Variants in ROBO2 observed in about 807,000 individuals in gnomAD.
ROBO2 encodes the protein roundabout guidance receptor 2.
Under a neutral mutation model 160.8 loss-of-function variants are expected in ROBO2, and 53 were observed. The observed-to-expected ratio is 0.33, with a 90% CI of 0.26 to 0.41. ROBO2 has a LOEUF of 0.41. Ranked by LOEUF, ROBO2 falls within the 10% of genes least tolerant of loss-of-function variation. The pLI is 1.00. For synonymous variants in ROBO2, 664 were observed against 611.7 expected (o/e 1.09, Z -1.26); for missense variants, 1,577 against 1,722.4 (o/e 0.92, Z 1.49).
At chr3:76,513,070 AG>A (rs2081181388) in intron 2 of ROBO2, among the ~76,000 whole-genome samples, 1 of 152,222 alleles carries the variant, frequency 6.6e-6, no homozygotes, top group Non-Finnish European at 1.5e-5. Flanking sequence ...AGGAATGGAG[AG>A]TCATGGTACT....
intron 1 of ROBO2, among the ~76,000 whole-genome samples, chr3:77,076,355 T>C (rs1026372159): frequency 2.0e-5 from 3 of 152,174 alleles, no homozygotes; most frequent in Non-Finnish European, 4.4e-5. Context: ...CTAATTCAAA[T>C]ATTTAAAACT....
chr3:76,350,275 TG>T (rs1169016551), intron 2 of ROBO2, among the ~76,000 whole-genome samples: 1 of 152,130 alleles, frequency 6.6e-6, no homozygotes, highest in Non-Finnish European at 1.5e-5. Context: ...TGCTTTGCTT[TG>T]TGTCATAAAC....
At chr3:77,261,412 C>A (rs1447174960) in intron 2 of ROBO2, among the ~76,000 whole-genome samples, 1 of 152,008 alleles carries the variant, frequency 6.6e-6, no homozygotes. Context: ...GAGGATAGAC[C>A]TTTTAAAATG....
At chr3:76,822,183 AAAT>A (rs1182085759) in intron 2 of ROBO2, among the ~76,000 whole-genome samples, 1 of 151,984 alleles carries the variant, frequency 6.6e-6, no homozygotes, top group African/African-American at 2.4e-5. Context: ...TTCTTTTGTA[AAAT>A]AATATTTGTT....
intron 2 of ROBO2, among the ~76,000 whole-genome samples, chr3:76,511,755 T>G (rs1249105804): frequency 6.6e-6 from 1 of 152,190 alleles, no homozygotes; most frequent in Non-Finnish European, 1.5e-5. Context: ...AGTATAACTT[T>G]AAAGGAGTTT....
intron 20 of ROBO2, among the ~76,000 whole-genome samples, chr3:77,605,610 T>C (rs1339854201): frequency 6.6e-6 from 1 of 152,178 alleles, no homozygotes; most frequent in Non-Finnish European, 1.5e-5. Context: ...GAAGAGTAGG[T>C]AATGAATGGC....
At chr3:75,919,606 G>T (rs1946946718) in intron 1 of ROBO2, among the ~76,000 whole-genome samples, 1 of 152,146 alleles carries the variant, frequency 6.6e-6, no homozygotes, top group Non-Finnish European at 1.5e-5. Flanking sequence ...GTTTCAGAAG[G>T]AATGGTACCA....
In ROBO2 at chr3:76,539,360, AT is replaced by A. The variant is rs1416762933; in HGVS notation, c.110-558652del. Among the ~76,000 whole-genome samples the A allele has an allele frequency of 5.3e-3, 782 of 148,738 alleles. 9 individuals carry two copies. The highest frequency in any genetic ancestry group is 0.02 in the African/African-American group (760 of 38,702). On this transcript the variant is annotated intron_variant, in intron 2 of 26. Transcript: ENST00000487694. ...CATGTATCCCAAAACTTTAAGTAAA[AT>A]TAAAAAAAAAAAAAAGAATGCTAGC...
intron 2 of ROBO2, among the ~76,000 whole-genome samples, chr3:76,231,467 A>C (rs1207347923): frequency 6.6e-6 from 1 of 152,144 alleles, no homozygotes; most frequent in Admixed American, 6.6e-5. Flanking sequence ...GTTCTACAAA[A>C]GCCAGTTTCA....
At chr3:76,706,896 C>G (rs994275966) in intron 2 of ROBO2, among the ~76,000 whole-genome samples, 2 of 151,758 alleles carry the variant, frequency 1.3e-5, no homozygotes, top group African/African-American at 4.8e-5. Flanking sequence ...CATGGTAAAC[C>G]AATGTGATAA....
At chr3:76,092,597 C>T (rs1044153033) in intron 2 of ROBO2, among the ~76,000 whole-genome samples, 10 of 152,168 alleles carry the variant, frequency 6.6e-5, no homozygotes, top group Non-Finnish European at 1.0e-4. Context: ...TGGGTACCCG[C>T]AGTTAACAGG....
At chr3:77,086,047 A>G (rs1481665401) in intron 1 of ROBO2, among the ~76,000 whole-genome samples, 1 of 152,114 alleles carries the variant, frequency 6.6e-6, no homozygotes. Context: ...TCATTCCAAG[A>G]TTTTTATAAT....
intron 2 of ROBO2, among the ~76,000 whole-genome samples, chr3:76,277,939 T>TA (rs1475529894): frequency 6.6e-6 from 1 of 151,594 alleles, no homozygotes; most frequent in Non-Finnish European, 1.5e-5. Context: ...TTTTTTTTTT[T>TA]AACAGGAAAC....
At position 76,304,973 on chromosome 3, in the gene ROBO2, G is replaced by A. The variant is rs548834842; in HGVS notation, c.109+367371G>A. Among the ~76,000 whole-genome samples the A allele has an allele frequency of 2.6e-5, 4 of 151,992 alleles. 1 individual carries two copies. The highest frequency in any genetic ancestry group is 2.1e-4 in the South Asian group (1 of 4,798). On this transcript the variant is annotated intron_variant, in intron 2 of 26. Transcript: ENST00000487694. ...TGTTCAGGGAGATGAGTTACTCTCTGTGGGTGAATTATCATAGCAGAAATA... is the reference window on the plus strand; with the variant it reads ...TGTTCAGGGAGATGAGTTACTCTCTATGGGTGAATTATCATAGCAGAAATA...
At chr3:76,136,757 C>G (rs1324404289) in intron 2 of ROBO2, among the ~76,000 whole-genome samples, 1 of 151,878 alleles carries the variant, frequency 6.6e-6, no homozygotes, top group Non-Finnish European at 1.5e-5. Flanking sequence ...GTAAAAACAA[C>G]AGCTAAATCA....
chr3:77,216,632 T>C lies in ROBO2; in HGVS notation c.388+118292T>C, dbSNP rs989169937. 4.6e-5 allele frequency among the ~76,000 whole-genome samples: 7 copies of C among 152,136 alleles called. No individual in the cohort carries two copies. In the South Asian group the frequency reaches 8.3e-4, roughly 18 times the overall value. ...CAGTGAGATGAACCCGGTACCTCAG[T>C]TGGAAATGCAGAAATCACTCGTCTT... On this transcript the variant is annotated intron_variant, in intron 2 of 25. Transcript: ENST00000461745.
chr3:77,524,384 A>G (rs1004412872), intron 6 of ROBO2, among the ~76,000 whole-genome samples: 2 of 151,304 alleles, frequency 1.3e-5, no homozygotes, highest in Non-Finnish European at 3.0e-5. Flanking sequence ...ATAACTTCAT[A>G]CATTTGTCAT....
intron 2 of ROBO2, among the ~76,000 whole-genome samples, chr3:76,488,248 C>T (rs1445983692): frequency 6.6e-6 from 1 of 152,176 alleles, no homozygotes; most frequent in East Asian, 1.9e-4. Flanking sequence ...GCCCAGTTTA[C>T]TTGGAAGACC....
rs992452935 is a variant in ROBO2, at chr3:76,008,024, A to G, written c.109+70422A>G. Among the ~76,000 whole-genome samples, 28 of 152,028 alleles carry G rather than the reference A, an allele frequency of 1.8e-4. 2 individuals carry two copies. Among genetic ancestry groups the G allele is most frequent in the Non-Finnish European group, 1.6e-4 (11 of 68,006 alleles). ...TTTGGGAGGTGGATCACCTGAGGTC[A>G]GGAGTTCAAGACCAGCCTGGCCAAC... On this transcript the variant is annotated intron_variant, in intron 2 of 26. Coordinates refer to the ROBO2 transcript ENST00000487694.
Sources: gnomAD v4.1 joint callset for allele counts (sites outside exome capture counted in the v4.1 genomes callset) on GRCh38, gnomAD v4.1.1 for gene constraint, MANE v1.5 for transcripts, NCBI Gene and HGNC (gene_info 2026-07-23, HGNC 2026-07-21) for gene names.